Variants in TESPA1 observed in about 807,000 individuals in gnomAD.
The protein encoded by TESPA1 is protein TESPA1.
TESPA1 carries 33 observed loss-of-function variants against 57.9 expected under a neutral mutation model. That is an observed-to-expected ratio of 0.57 (90% CI 0.43 to 0.76). The LOEUF (loss-of-function observed/expected upper bound fraction) is 0.76. Ranked by LOEUF, TESPA1 falls within the 30% of genes least tolerant of loss-of-function variation. The pLI is 0.00. For synonymous variants in TESPA1, 227 were observed against 228.9 expected, an observed-to-expected ratio of 0.99 and a Z score of 0.07; for missense variants, 618 against 632.9, an observed-to-expected ratio of 0.98 and a Z score of 0.25.
chr12:54,982,382 T>C (rs1352329981), intron 1 of TESPA1, among the ~76,000 whole-genome samples: 1 of 152,216 alleles, frequency 6.6e-6, no homozygotes, highest in Non-Finnish European at 1.5e-5. Flanking sequence ...AAATGCCCAT[T>C]AGTCAATAGA....
At chr12:54,954,871 T>C (rs1950635911) in intron 10 of TESPA1, among the ~76,000 whole-genome samples, 1 of 152,252 alleles carries the variant, frequency 6.6e-6, no homozygotes, top group Admixed American at 6.5e-5. Context: ...ATCTTAGTCA[T>C]TGGGAATAGT....
chr12:54,951,246 C>G (rs145072024), intron 10 of TESPA1, among the ~76,000 whole-genome samples: 2 of 152,270 alleles, frequency 1.3e-5, no homozygotes, highest in African/African-American at 4.8e-5. Context: ...AAGTGTGTAG[C>G]TCTTCCCCCT....
At chr12:54,959,838 A>G (rs1950969246) in intron 10 of TESPA1, among the ~76,000 whole-genome samples, 1 of 152,182 alleles carries the variant, frequency 6.6e-6, no homozygotes, top group Non-Finnish European at 1.5e-5. Flanking sequence ...AAACCATCTG[A>G]AACTTCTTGA....
intron 10 of TESPA1, among the ~76,000 whole-genome samples, chr12:54,960,270 A>C (rs1258134697): frequency 6.6e-6 from 1 of 152,234 alleles, no homozygotes; most frequent in East Asian, 1.9e-4. Context: ...TCATTAGTTT[A>C]AATAATAAAT....
intron 8 of TESPA1, 29 bp from the exon 9 acceptor site, chr12:54,963,271 C>T: frequency 1.3e-6 from 2 of 1,575,174 alleles, no homozygotes; most frequent in Non-Finnish European, 1.7e-6. Context: ...GATGGTAAGT[C>T]TGGGGTTCAT....
At chr12:54,977,722 G>A (rs543090581) in intron 1 of TESPA1, among the ~76,000 whole-genome samples, 1 of 152,328 alleles carries the variant, frequency 6.6e-6, no homozygotes, top group East Asian at 1.9e-4. Context: ...GGGTGAGAAT[G>A]TAATAATTTT....
At chr12:54,980,716 C>T (rs1043322180) in intron 1 of TESPA1, among the ~76,000 whole-genome samples, 1 of 152,202 alleles carries the variant, frequency 6.6e-6, no homozygotes, top group East Asian at 1.9e-4. Flanking sequence ...TTGCACCTGA[C>T]AAATATCAGC....
At chr12:54,966,497 C>T (rs1444712959) in intron 5 of TESPA1, 73 bp from the exon 6 acceptor site, 10 of 1,542,174 alleles carry the variant, frequency 6.5e-6, no homozygotes, top group African/African-American at 1.4e-5. Flanking sequence ...CCCCTCTGAA[C>T]CTAAAACTCA....
chr12:54,959,691 G>A (rs957647731), intron 10 of TESPA1, among the ~76,000 whole-genome samples: 1 of 152,170 alleles, frequency 6.6e-6, no homozygotes. Flanking sequence ...TCTAATTTGA[G>A]GAGAAGTGGT....
chr12:54,976,144 G>A lies in TESPA1; in HGVS notation c.-45-1537C>T, dbSNP rs112037159. Among the ~76,000 whole-genome samples, 453 of 152,322 alleles carry A rather than the reference G, an allele frequency of 3.0e-3. 2 individuals carry two copies. The highest frequency in any genetic ancestry group is 0.01 in the African/African-American group (416 of 41,578). ...GAGATGACTTGCTATTCTTTGGTCA[G>A]AGCTGTCGTGAGGAGATAATGTCCA... On this transcript the variant is annotated intron_variant, in intron 1 of 10. Transcript: ENST00000449076.
chr12:54,964,698 G>A (rs1018099013), intron 7 of TESPA1, among the ~76,000 whole-genome samples: 1 of 152,190 alleles, frequency 6.6e-6, no homozygotes, highest in South Asian at 2.1e-4. Flanking sequence ...TGGGCTTTTT[G>A]ATCAAATAGG....
intron 3 of TESPA1, among the ~76,000 whole-genome samples, chr12:54,968,904 G>A (rs1951622909): frequency 6.6e-6 from 1 of 151,760 alleles, no homozygotes; most frequent in Non-Finnish European, 1.5e-5. Context: ...TTACTCTCAG[G>A]CCACTGGAGT....
chr12:54,981,195 TAA>T (rs1164681179), intron 1 of TESPA1, among the ~76,000 whole-genome samples: 1 of 152,156 alleles, frequency 6.6e-6, no homozygotes, highest in Non-Finnish European at 1.5e-5. Context: ...TGGTGCTTAA[TAA>T]GTGATAGATA....
chr12:54,950,299 G>C lies in TESPA1; in HGVS notation c.*93C>G, dbSNP rs1321033193. The C allele has an allele frequency of 2.2e-6, 1 of 456,960 alleles. No homozygotes were observed. Among genetic ancestry groups the C allele is most frequent in the African/African-American group, 2.0e-5 (1 of 50,214 alleles). 28.3% of individuals were successfully genotyped at this position (456,960 alleles called of 1,614,324 possible). A position where few individuals can be genotyped will look rare whatever the true frequency, so the allele number is the denominator to read the frequency against. ...CCAAGGAGTAGGGGCTGGATGTTGAGGGCAGTGCAGTTTCCTGCAAGAGGT... is the reference window on the plus strand; with the variant it reads ...CCAAGGAGTAGGGGCTGGATGTTGACGGCAGTGCAGTTTCCTGCAAGAGGT... On this transcript the variant is annotated 3_prime_UTR_variant, in exon 11 of 11. Coordinates refer to ENST00000449076, the MANE Select transcript of TESPA1 (RefSeq NM_001136030.3).
intron 10 of TESPA1, among the ~76,000 whole-genome samples, chr12:54,955,933 C>T (rs1340854162): frequency 2.0e-5 from 3 of 148,472 alleles, no homozygotes; most frequent in Non-Finnish European, 4.4e-5. Flanking sequence ...CTGACTGTCC[C>T]TCTTCAGAAT....
At chr12:54,967,764 T>G in intron 4 of TESPA1, 79 bp downstream of exon 4, 1 of 1,549,192 alleles carries the variant, frequency 6.5e-7, no homozygotes, top group Non-Finnish European at 8.9e-7. Context: ...TATATGTGCA[T>G]AAACACTCAC....
chr12:54,960,602 C>T (rs931965048), intron 10 of TESPA1, among the ~76,000 whole-genome samples: 4 of 152,172 alleles, frequency 2.6e-5, no homozygotes, highest in Middle Eastern at 3.2e-3. Context: ...ACTTCTACTA[C>T]AATGAGTTTC....
chr12:54,981,848 G>A (rs1952335315), intron 1 of TESPA1: 1 of 152,258 alleles, frequency 6.6e-6, no homozygotes, highest in South Asian at 2.1e-4. Context: ...TGGTTTCCAA[G>A]GCCCAGTCCC....
Position 54,962,745 on chromosome 12 carries a change from T to G in TESPA1, c.1153A>C (p.Asn385His). Reference sequence around the variant, plus strand: ...TGTGTGCAACAGGGTACCTTGGGGTTCGAATCCAGAGTTTGGGATGGTGCT... The same window carrying G: ...TGTGTGCAACAGGGTACCTTGGGGTGCGAATCCAGAGTTTGGGATGGTGCT... Reference protein sequence around the residue: ...VLAPSQTLDSNPKVPCCTHSL... With the variant: ...VLAPSQTLDSHPKVPCCTHSL... Residue 385 changes from asparagine (N) to histidine (H), a missense_variant, in exon 9 of 11, where the codon AAC (asparagine) becomes CAC (histidine). Physicochemically the swap from Asn to His is moderately conservative, Grantham distance 68. Around this residue, in one of 3 missense-constraint regions of TESPA1, gnomAD observed 409 missense variants for 420.1 expected, o/e 0.97. Transcript: ENST00000449076. 6.2e-7 allele frequency: 1 copy of G among 1,613,894 alleles called. No homozygotes were observed. The highest frequency in any genetic ancestry group is 8.5e-7 in the Non-Finnish European group (1 of 1,179,858).
Sources: gnomAD v4.1 joint callset for allele counts (sites outside exome capture counted in the v4.1 genomes callset) on GRCh38, gnomAD v4.1.1 for gene constraint, gnomAD v4.1.1 regional missense constraint, MANE v1.5 for transcripts, NCBI Gene and HGNC (gene_info 2026-07-23, HGNC 2026-07-21) for gene names.